Variants in TEX15 observed in about 807,000 individuals in gnomAD.
TEX15 encodes testis expressed 15, meiosis and synapsis associated.
TEX15 carries 171 observed loss-of-function variants against 237.3 expected under a neutral mutation model. The ratio of observed to expected loss-of-function variants is 0.72; its 90% CI spans 0.64 to 0.82. The LOEUF is 0.82. Among genes scored for constraint, TEX15 ranks in the 40% least tolerant of loss-of-function variants. The pLI, the probability that TEX15 is intolerant of heterozygous loss-of-function variation, is 0.00. For missense variants in TEX15, 3,750 were observed against 3,646.5 expected, an observed-to-expected ratio of 1.03 and a Z score of -0.73; for synonymous variants, 1,338 against 1,269.8, an observed-to-expected ratio of 1.05 and a Z score of -1.14.
At chr8:30,883,436 A>G (rs1808578012) in intron 3 of TEX15, among the ~76,000 whole-genome samples, 1 of 151,586 alleles carries the variant, frequency 6.6e-6, no homozygotes, top group African/African-American at 2.4e-5. Flanking sequence ...CAGGTTTGTT[A>G]CATAGATGTA....
In TEX15 at chr8:30,848,066, T is replaced by C; in HGVS notation, c.2101A>G (p.Lys701Glu). ...TKSSTSTIKD[K>E]DELDHLALEW... ...AATGCTAGATGATCTAGTTCATCCTTATCCTTTATGGTAGATGTAGAAGAT... is the reference window on the plus strand; with the variant it reads ...AATGCTAGATGATCTAGTTCATCCTCATCCTTTATGGTAGATGTAGAAGAT... Residue 701 changes from lysine to glutamate, a missense_variant, in exon 8 of 11, where the codon AAG (lysine) becomes GAG (glutamate). Lys to Glu is a moderately conservative substitution (Grantham distance 56). Coordinates refer to ENST00000643185, the MANE Select transcript of TEX15 (RefSeq NM_001350162.2). 6.2e-7 allele frequency: 1 copy of C among 1,613,630 alleles called. No homozygotes were observed. Among genetic ancestry groups the C allele is most frequent in the Non-Finnish European group, 8.5e-7 (1 of 1,179,900 alleles).
chr8:30,851,668 C>T (rs889668705), intron 7 of TEX15, among the ~76,000 whole-genome samples: 3 of 150,650 alleles, frequency 2.0e-5, no homozygotes, highest in African/African-American at 7.4e-5. Flanking sequence ...TTAATATATA[C>T]CAATGTGGGA....
At chr8:30,897,844 T>C (rs1459044353) in intron 2 of TEX15, among the ~76,000 whole-genome samples, 1 of 152,106 alleles carries the variant, frequency 6.6e-6, no homozygotes, top group African/African-American at 2.4e-5. Flanking sequence ...ATTTTATTTT[T>C]TGAGAGACAA....
rs1249816897 is a variant in TEX15, at chr8:30,842,615, G to T, written c.7552C>A (p.Leu2518Ile). 3 of 1,611,348 alleles carry T rather than the reference G, an allele frequency of 1.9e-6. No homozygotes were observed. The highest frequency in any genetic ancestry group is 3.3e-5 in the Admixed American group (2 of 59,968). The change falls in exon 8 of 11, where the codon CTT becomes ATT. Residue 2518 changes from leucine to isoleucine, a missense_variant. Leu to Ile is a conservative substitution (Grantham distance 5, BLOSUM62 2). Transcript: ENST00000643185. ...CAGATAATATCCAGATCTTTCTTAA[G>T]TTCGGAAACAGCAGTCTCTATCACT... is the stretch of plus-strand genomic sequence containing the variant. ...WKVIETAVSELKKDLDIICKY... is the reference protein window; with the variant it reads ...WKVIETAVSEIKKDLDIICKY...
Position 30,842,907 on chromosome 8 carries a change from T to C in TEX15, c.7260A>G (p.Glu2420=), listed in dbSNP as rs751225158. ...TTATCACCACGTCTAAAACATTTTC[T>C]TCTGTGATAAAAATATTATCCATGT... ...DNNMDNIFIT[E]ENVLDVVINH... is the part of the protein sequence containing the mutation. Residue 2420 remains glutamate (E), a synonymous_variant, in exon 8 of 11, where the codon GAA becomes GAG. Transcript: ENST00000643185. The C allele has an allele frequency of 1.2e-6, 2 of 1,609,180 alleles. No individual in the cohort carries two copies. The highest frequency in any genetic ancestry group is 1.7e-6 in the Non-Finnish European group (2 of 1,177,356).
chr8:30,856,654 C>T (rs778656681), intron 7 of TEX15, among the ~76,000 whole-genome samples: 3 of 152,032 alleles, frequency 2.0e-5, no homozygotes, highest in Non-Finnish European at 4.4e-5. Flanking sequence ...ACTTTTAAAT[C>T]AACTGAATTG....
chr8:30,906,610 A>AAG (rs1169189274), intron 1 of TEX15, among the ~76,000 whole-genome samples: 2 of 151,338 alleles, frequency 1.3e-5, no homozygotes, highest in Non-Finnish European at 1.5e-5. Context: ...AAAAAAAAAA[A>AAG]AGAGAGAGAG....
intron 5 of TEX15, among the ~76,000 whole-genome samples, chr8:30,864,874 G>A (rs1585296685): frequency 6.6e-6 from 1 of 151,936 alleles, no homozygotes; most frequent in African/African-American, 2.4e-5. Flanking sequence ...GGTGTGTATA[G>A]GTTTTTTTCT....
intron 3 of TEX15, among the ~76,000 whole-genome samples, chr8:30,882,347 C>T (rs370667384): frequency 6.6e-5 from 10 of 152,338 alleles, no homozygotes; most frequent in East Asian, 1.9e-4. Flanking sequence ...AGTGTAGTGG[C>T]GCAATCTCAG....
intron 5 of TEX15, among the ~76,000 whole-genome samples, chr8:30,863,181 T>C (rs323364): frequency 0.022 from 3,305 of 152,296 alleles, 114 homozygotes; most frequent in African/African-American, 0.075. Flanking sequence ...TACTTACCAG[T>C]TGATCATCCC....
At chr8:30,863,141 A>G (rs1056412885) in intron 5 of TEX15, among the ~76,000 whole-genome samples, 1 of 152,116 alleles carries the variant, frequency 6.6e-6, no homozygotes, top group South Asian at 2.1e-4. Flanking sequence ...CAGATTTTGA[A>G]TTTTTTCAAA....
In TEX15 at chr8:30,887,149, C is replaced by A. The variant is rs1808667954; in HGVS notation, c.136+18G>T. The A allele has an allele frequency of 1.3e-6, 2 of 1,516,008 alleles. No homozygotes were observed. The highest frequency in any genetic ancestry group is 2.2e-5 in the Admixed American group (1 of 45,794). The allele number at this position is 1,516,008 out of a possible 1,614,324, so 93.9% of individuals were successfully genotyped here. A position where few individuals can be genotyped will look rare whatever the true frequency, so the allele number is the denominator to read the frequency against. On this transcript the variant is annotated intron_variant, in intron 3 of 10. Transcript: ENST00000643185. ...CAGTAATAGTTACTAAAAAAATTCC[C>A]AACCACAGAAATATTACCTTTCTCA...
chr8:30,845,055 T>C lies in TEX15; in HGVS notation c.5112A>G (p.Pro1704=), dbSNP rs1180504274. Residue 1704 remains proline, a synonymous_variant, in exon 8 of 11, where the codon CCA becomes CCG. Transcript: ENST00000643185. ...TACTTGCTATCAAAGTTAGGTTTAA[T>C]GGGCCCATAAGGAAGTTTCCTGTAA... The part of the protein sequence containing the change: ...NIITGNFLMG[P]LNLTLIASKK... 8 of 1,613,520 alleles carry C rather than the reference T, an allele frequency of 5.0e-6. No homozygotes were observed. Among genetic ancestry groups the C allele is most frequent in the Non-Finnish European group, 5.9e-6 (7 of 1,179,588 alleles).
chr8:30,870,111 T>C (rs1212830073), intron 4 of TEX15, among the ~76,000 whole-genome samples: 3 of 152,024 alleles, frequency 2.0e-5, no homozygotes, highest in African/African-American at 7.2e-5. Flanking sequence ...TTTGTAGTTA[T>C]ACTCTTGCTT....
In TEX15 at chr8:30,842,294, T is replaced by C; in HGVS notation, c.7873A>G (p.Ile2625Val). ...GTTAGTTCAGCATTTTTAGTACATA[T>C]CATCTTCATATGTTCAATCGTTTTC... ...VMKTIEHMKM[I>V]CTKNAELTIS... The change falls in exon 8 of 11, where the codon ATA becomes GTA. Residue 2625 changes from isoleucine to valine, a missense_variant. Transcript: ENST00000643185. 1 of 1,613,848 alleles carries C rather than the reference T, an allele frequency of 6.2e-7. No individual in the cohort carries two copies. The highest frequency in any genetic ancestry group is 1.3e-5 in the African/African-American group (1 of 75,028).
chr8:30,864,448 T>C (rs1463387388), intron 5 of TEX15, among the ~76,000 whole-genome samples: 1 of 150,756 alleles, frequency 6.6e-6, no homozygotes, highest in East Asian at 1.9e-4. Context: ...AAGACATATA[T>C]ATAAACATCT....
At position 30,837,598 on chromosome 8, in the gene TEX15, T is replaced by C; in HGVS notation, c.8686A>G (p.Lys2896Glu). The C allele has an allele frequency of 1.2e-6, 2 of 1,614,116 alleles. No individual in the cohort carries two copies. Among genetic ancestry groups the C allele is most frequent in the Non-Finnish European group, 1.7e-6 (2 of 1,180,002 alleles). ...SLVPDASVLS[K>E]PIFCFVKDVH... is the part of the protein sequence containing the mutation. ...TCTTTCACAAAACAGAAAATTGGCT[T>C]TGAGAGCACCGACGCATCAGGCACA... Residue 2896 changes from lysine (K) to glutamate (E), a missense_variant, in exon 10 of 11, where the codon AAG becomes GAG. Transcript: ENST00000643185.
Position 30,844,631 on chromosome 8 carries a change from T to C in TEX15, c.5536A>G (p.Lys1846Glu). Reference protein sequence around the residue: ...KKDTEDRITWKVKQAEKAKDS... With the variant: ...KKDTEDRITWEVKQAEKAKDS... ...TTTGCTTTTTCCGCTTGTTTAACTT[T>C]CCACGTTATTCTGTCCTCAGTGTCT... The change falls in exon 8 of 11, where the codon AAA (lysine) becomes GAA (glutamate). Residue 1846 changes from lysine (K) to glutamate (E), a missense_variant. Lys to Glu is a moderately conservative substitution (Grantham distance 56). Transcript: ENST00000643185. 6 of 1,613,372 alleles carry C rather than the reference T, an allele frequency of 3.7e-6. No individual in the cohort carries two copies. The highest frequency in any genetic ancestry group is 5.1e-6 in the Non-Finnish European group (6 of 1,179,594).
chr8:30,834,211 C>T (rs1807242827), intron 10 of TEX15, among the ~76,000 whole-genome samples: 1 of 152,164 alleles, frequency 6.6e-6, no homozygotes, highest in Non-Finnish European at 1.5e-5. Context: ...TTAACCTTGT[C>T]GCCCAGTATG....
Sources: gnomAD v4.1 joint callset for allele counts (sites outside exome capture counted in the v4.1 genomes callset) on GRCh38, gnomAD v4.1.1 for gene constraint, MANE v1.5 for transcripts, NCBI Gene and HGNC (gene_info 2026-07-23, HGNC 2026-07-21) for gene names.